Variants in SCHIP1 observed in about 807,000 individuals in gnomAD.
SCHIP1 encodes schwannomin-interacting protein 1.
In SCHIP1, 8 loss-of-function variants were observed where a neutral mutation model predicts 29.7. That is an observed-to-expected ratio of 0.27 (90% CI 0.16 to 0.49). The LOEUF is 0.49. SCHIP1 is among the 20% of genes least tolerant of loss of function. The pLI is 0.99. For synonymous variants in SCHIP1, 76 were observed against 94.9 expected (o/e 0.80, Z 1.16); for missense variants, 193 against 294.6 (o/e 0.66, Z 2.52).
At chr3:159,431,959 G>T in the SCHIP1 span, among the ~76,000 whole-genome samples, 1 of 144,208 alleles carries the variant, frequency 6.9e-6, no homozygotes, top group Admixed American at 7.2e-5. Flanking sequence ...TTGGCATTAT[G>T]TTAATGAGTT....
the SCHIP1 span, among the ~76,000 whole-genome samples, chr3:159,828,418 CGTATATATAT>C: frequency 2.1e-5 from 1 of 46,592 alleles, no homozygotes; most frequent in Non-Finnish European, 4.1e-5. Flanking sequence ...CGTATATATA[CGTATATATAT>C]ACGTATATAT....
the SCHIP1 span, among the ~76,000 whole-genome samples, chr3:159,519,432 G>C: frequency 2.0e-5 from 3 of 152,092 alleles, no homozygotes; most frequent in Non-Finnish European, 4.4e-5. Context: ...TTATATACTA[G>C]TACTTGATTT....
the SCHIP1 span, among the ~76,000 whole-genome samples, chr3:159,816,946 C>G: frequency 2.6e-5 from 4 of 152,126 alleles, no homozygotes; most frequent in Admixed American, 2.6e-4. Context: ...TTCCTGACCC[C>G]CCGGCTTGAT....
the SCHIP1 span, among the ~76,000 whole-genome samples, chr3:159,333,567 C>T: frequency 8.6e-5 from 13 of 151,982 alleles, no homozygotes; most frequent in African/African-American, 2.7e-4. Flanking sequence ...AATTAAAATT[C>T]GTGATTTATC....
At chr3:159,526,674 G>A in the SCHIP1 span, among the ~76,000 whole-genome samples, 1 of 152,322 alleles carries the variant, frequency 6.6e-6, no homozygotes, top group Non-Finnish European at 1.5e-5. Flanking sequence ...AAGGAAAGTA[G>A]CTCCTGTTTG....
the SCHIP1 span, among the ~76,000 whole-genome samples, chr3:159,373,040 ATT>A: frequency 6.6e-6 from 1 of 151,970 alleles, no homozygotes; most frequent in Non-Finnish European, 1.5e-5. Context: ...TTAAATTTAA[ATT>A]TGTTTTTAAT....
chr3:159,737,794 C>T, the SCHIP1 span, among the ~76,000 whole-genome samples: 2 of 152,034 alleles, frequency 1.3e-5, no homozygotes, highest in Non-Finnish European at 2.9e-5. Flanking sequence ...CAGCAGCTGC[C>T]TGGAGCACTG....
chr3:159,853,089 A>C, intron 1 of SCHIP1: 1 of 294,694 alleles, frequency 3.4e-6, no homozygotes, highest in Non-Finnish European at 6.3e-6. Flanking sequence ...ATTCAGGGGA[A>C]GGTGACAGCA....
At chr3:159,559,705 T>C in the SCHIP1 span, among the ~76,000 whole-genome samples, 1 of 152,184 alleles carries the variant, frequency 6.6e-6, no homozygotes, top group Non-Finnish European at 1.5e-5. Context: ...AGCATTATCA[T>C]ATTCCCAGAG....
the SCHIP1 span, among the ~76,000 whole-genome samples, chr3:159,297,696 G>A: frequency 6.6e-6 from 1 of 152,122 alleles, no homozygotes; most frequent in African/African-American, 2.4e-5. Flanking sequence ...TGCCACTAAT[G>A]CACTGTCAAT....
chr3:159,579,445 T>C, the SCHIP1 span, among the ~76,000 whole-genome samples: 1 of 152,204 alleles, frequency 6.6e-6, no homozygotes, highest in South Asian at 2.1e-4. Context: ...TATAAATTTA[T>C]TGAAAAATAT....
the SCHIP1 span, among the ~76,000 whole-genome samples, chr3:159,276,629 G>A: frequency 1.3e-5 from 2 of 152,246 alleles, no homozygotes; most frequent in South Asian, 2.1e-4. Flanking sequence ...ACTGATTTGA[G>A]ATTTACATTA....
chr3:159,359,559 T>C, the SCHIP1 span, among the ~76,000 whole-genome samples: 1 of 152,192 alleles, frequency 6.6e-6, no homozygotes, highest in Non-Finnish European at 1.5e-5. Context: ...TAAAGATAAG[T>C]GTTATCAAAG....
chr3:159,327,013 G>T, the SCHIP1 span, among the ~76,000 whole-genome samples: 2 of 152,142 alleles, frequency 1.3e-5, no homozygotes, highest in Non-Finnish European at 2.9e-5. Context: ...TGAGGATAAA[G>T]AATCTAAAGG....
chr3:159,491,811 G>A, the SCHIP1 span, among the ~76,000 whole-genome samples: 39 of 152,310 alleles, frequency 2.6e-4, no homozygotes, highest in African/African-American at 9.1e-4. Context: ...TCCTCAAGTG[G>A]GTCCCTGACC....
the SCHIP1 span, among the ~76,000 whole-genome samples, chr3:159,480,290 GC>G: frequency 1.3e-5 from 2 of 152,052 alleles, no homozygotes; most frequent in African/African-American, 4.8e-5. Context: ...ATCATCTCTT[GC>G]CCCACTATTC....
the SCHIP1 span, among the ~76,000 whole-genome samples, chr3:159,602,351 G>T: frequency 6.6e-6 from 1 of 152,068 alleles, no homozygotes; most frequent in Non-Finnish European, 1.5e-5. Context: ...GGAGACAGCA[G>T]GTGCCTGATG....
the SCHIP1 span, among the ~76,000 whole-genome samples, chr3:159,648,843 CCT>C: frequency 1.3e-5 from 2 of 151,840 alleles, no homozygotes; most frequent in African/African-American, 4.8e-5. Context: ...CTGTTCACGG[CCT>C]CTCTCTGGAT....
chr3:159,549,263 G>T, the SCHIP1 span, among the ~76,000 whole-genome samples: 1 of 152,170 alleles, frequency 6.6e-6, no homozygotes, highest in African/African-American at 2.4e-5. Flanking sequence ...AGTAACTCTG[G>T]TTGTCCTTAA....
Sources: allele counts gnomAD v4.1 joint callset (sites outside exome capture counted in the v4.1 genomes callset), GRCh38; gene constraint gnomAD v4.1.1; transcripts MANE v1.5; gene names NCBI Gene and HGNC (gene_info 2026-07-23, HGNC 2026-07-21).